Variants in CREBL2 observed in about 807,000 individuals in gnomAD.
The protein encoded by CREBL2 is cAMP responsive element binding protein like 2.
Under a neutral mutation model 19.5 loss-of-function variants are expected in CREBL2, and 4 were observed. The observed-to-expected ratio is 0.20, with a 90% CI of 0.10 to 0.47. The LOEUF (loss-of-function observed/expected upper bound fraction) is 0.47. CREBL2 is among the 20% of genes least tolerant of loss of function. The pLI is 0.98. For synonymous variants in CREBL2, 42 were observed against 46.6 expected, an observed-to-expected ratio of 0.90 and a Z score of 0.40; for missense variants, 85 against 145.1, an observed-to-expected ratio of 0.59 and a Z score of 2.13.
chr12:12,640,727 T>C (rs1487182851), intron 3 of CREBL2, among the ~76,000 whole-genome samples: 1 of 152,252 alleles, frequency 6.6e-6, no homozygotes, highest in Non-Finnish European at 1.5e-5. Flanking sequence ...CCGGTCCCTC[T>C]GTTCAGGGTC....
rs559213778 is a variant in CREBL2 at position 12,642,907 on chromosome 12, G to A, written c.*909G>A. The A allele has an allele frequency of 5.4e-4, 83 of 152,648 alleles. No homozygotes were observed. Among genetic ancestry groups the A allele is most frequent in the African/African-American group, 1.7e-3 (70 of 41,538 alleles). 9.5% of individuals were successfully genotyped at this position (152,648 alleles called of 1,614,324 possible). Reference sequence around the variant, plus strand: ...GTGAATGTTCACACACTTTTCTTGCGTACTCAACTAAATTGGAGAATGTTT... The same window carrying A: ...GTGAATGTTCACACACTTTTCTTGCATACTCAACTAAATTGGAGAATGTTT... On this transcript the variant is annotated 3_prime_UTR_variant, in exon 4 of 4. Transcript: ENST00000228865.
intron 1 of CREBL2, among the ~76,000 whole-genome samples, chr12:12,633,715 C>T (rs772719176): frequency 6.6e-6 from 1 of 152,252 alleles, no homozygotes; most frequent in African/African-American, 2.4e-5. Context: ...GTTTTCTTGA[C>T]CTAACTATTA....
chr12:12,630,476 G>A (rs1191070457), intron 1 of CREBL2, among the ~76,000 whole-genome samples: 2 of 151,892 alleles, frequency 1.3e-5, no homozygotes, highest in Non-Finnish European at 2.9e-5. Context: ...GTATTTTTGA[G>A]TTTTTTCTTT....
At chr12:12,622,718 T>C (rs1945369191) in intron 1 of CREBL2, among the ~76,000 whole-genome samples, 1 of 152,252 alleles carries the variant, frequency 6.6e-6, no homozygotes, top group African/African-American at 2.4e-5. Flanking sequence ...AACCCACAGC[T>C]GTGAAGGAAG....
intron 1 of CREBL2, among the ~76,000 whole-genome samples, chr12:12,624,809 T>C (rs549880524): frequency 2.0e-5 from 3 of 152,340 alleles, no homozygotes; most frequent in Admixed American, 1.3e-4. Flanking sequence ...GTATCTGCAC[T>C]TGTGGCTCCC....
intron 1 of CREBL2, among the ~76,000 whole-genome samples, chr12:12,613,793 G>A (rs1945285625): frequency 6.6e-6 from 1 of 152,098 alleles, no homozygotes; most frequent in Non-Finnish European, 1.5e-5. Context: ...AACAGAATGC[G>A]GGATAACATT....
At chr12:12,617,840 G>C (rs1945324456) in intron 1 of CREBL2, among the ~76,000 whole-genome samples, 2 of 150,858 alleles carry the variant, frequency 1.3e-5, no homozygotes, top group African/African-American at 4.9e-5. Flanking sequence ...TTGTGTCCCT[G>C]GGTACTTGAG....
Position 12,616,460 on chromosome 12 carries a change from A to G in CREBL2, c.15+4273A>G, listed in dbSNP as rs146008994. Among the ~76,000 whole-genome samples the G allele has an allele frequency of 1.6e-3, 247 of 152,366 alleles. 1 individual carries two copies. Among genetic ancestry groups the G allele is most frequent in the African/African-American group, 5.8e-3 (240 of 41,584 alleles). On this transcript the variant is annotated intron_variant, in intron 1 of 3. Coordinates refer to ENST00000228865, the MANE Select transcript of CREBL2 (RefSeq NM_001310.4). ...TTTTTATAAGTACTTAGAAACCAGC[A>G]GCTTTGAAAACCTTAGTGAGCATCA...
intron 1 of CREBL2, among the ~76,000 whole-genome samples, chr12:12,619,775 G>C (rs776862317): frequency 1.3e-5 from 2 of 152,140 alleles, no homozygotes; most frequent in African/African-American, 4.8e-5. Context: ...ATCCTAAGGC[G>C]TCAAGATCCA....
chr12:12,632,146 C>T (rs1178658721), intron 1 of CREBL2, among the ~76,000 whole-genome samples: 2 of 125,536 alleles, frequency 1.6e-5, no homozygotes, highest in African/African-American at 6.1e-5. Context: ...GGCGGGATCT[C>T]GGCTCACTGC....
intron 1 of CREBL2, among the ~76,000 whole-genome samples, chr12:12,626,204 C>CTAAAGAGCA (rs113667909): frequency 0.44 from 66,366 of 151,466 alleles, 16,386 homozygotes; most frequent in Non-Finnish European, 0.56. Flanking sequence ...CAGTTAACTC[C>CTAAAGAGCA]TAAAGAGCAT....
chr12:12,618,303 C>T (rs1394850007), intron 1 of CREBL2, among the ~76,000 whole-genome samples: 1 of 151,688 alleles, frequency 6.6e-6, no homozygotes, highest in Non-Finnish European at 1.5e-5. Context: ...AGGGGCTCCT[C>T]ACTTCTCAGA....
At chr12:12,631,532 T>TA (rs1945442539) in intron 1 of CREBL2, among the ~76,000 whole-genome samples, 1 of 152,240 alleles carries the variant, frequency 6.6e-6, no homozygotes. Flanking sequence ...TTACCCATAT[T>TA]AATATGCTTC....
intron 2 of CREBL2, 83 bp downstream of exon 2, chr12:12,636,057 T>C: frequency 3.1e-6 from 4 of 1,275,750 alleles, no homozygotes; most frequent in Non-Finnish European, 4.3e-6. Flanking sequence ...ATACCAGTTA[T>C]CACCTGTCCA....
At chr12:12,636,663 C>A (rs1019680903) in intron 2 of CREBL2, among the ~76,000 whole-genome samples, 2 of 152,190 alleles carry the variant, frequency 1.3e-5, no homozygotes, top group African/African-American at 4.8e-5. Context: ...CCTCATGGTC[C>A]ACTCGCCTTG....
chr12:12,631,390 G>C (rs1454574948), intron 1 of CREBL2, among the ~76,000 whole-genome samples: 1 of 152,296 alleles, frequency 6.6e-6, no homozygotes, highest in African/African-American at 2.4e-5. Flanking sequence ...TTTAAAGCCA[G>C]CTGTTTAAAT....
chr12:12,633,836 A>C (rs1364267030), intron 1 of CREBL2, among the ~76,000 whole-genome samples: 2 of 152,150 alleles, frequency 1.3e-5, no homozygotes, highest in African/African-American at 4.8e-5. Context: ...TGACCCTTTG[A>C]GTTTTGCTAT....
intron 1 of CREBL2, among the ~76,000 whole-genome samples, chr12:12,615,187 G>T (rs903440473): frequency 6.6e-6 from 1 of 152,102 alleles, no homozygotes; most frequent in Non-Finnish European, 1.5e-5. Flanking sequence ...ATTAATTTTT[G>T]TATTTTTCTT....
intron 1 of CREBL2, among the ~76,000 whole-genome samples, chr12:12,621,575 A>T (rs1945360414): frequency 6.6e-6 from 1 of 151,644 alleles, no homozygotes; most frequent in African/African-American, 2.4e-5. Flanking sequence ...AGTTGCCAGC[A>T]GGGCGGTGAT....
Sources: gnomAD v4.1 joint callset for allele counts (sites outside exome capture counted in the v4.1 genomes callset) on GRCh38, gnomAD v4.1.1 for gene constraint, MANE v1.5 for transcripts, NCBI Gene and HGNC (gene_info 2026-07-23, HGNC 2026-07-21) for gene names.